The following DACH2 variants were observed in gnomAD, a reference collection of about 807,000 sequenced individuals.
The protein encoded by DACH2 is dachshund family transcription factor 2, also known as dachshund homolog 2.
Under a neutral mutation model 35.8 loss-of-function variants are expected in DACH2, and 17 were observed. That is an observed-to-expected ratio of 0.48 (90% confidence interval 0.33 to 0.71). The LOEUF is 0.71. DACH2 is among the 30% of genes least tolerant of loss of function. The probability of loss-of-function intolerance (pLI) is 0.02; values close to 1 mark genes in which losing one functional copy is unlikely to be tolerated. For missense variants in DACH2, 469 were observed against 472.7 expected (o/e 0.99, Z 0.07); for synonymous variants, 195 against 177.3 (o/e 1.10, Z -0.79).
At chrX:86,750,354 T>C (rs567807274) in intron 7 of DACH2, among the ~76,000 whole-genome samples, 1 of 112,172 alleles carries the variant, frequency 8.9e-6, no homozygotes, top group African/African-American at 3.2e-5. Flanking sequence ...GATGACATTG[T>C]GGTTTTTGTG....
intron 11 of DACH2, among the ~76,000 whole-genome samples, chrX:86,817,545 T>C (rs1424240578): frequency 9.0e-6 from 1 of 111,612 alleles, no homozygotes; most frequent in Non-Finnish European, 1.9e-5. Flanking sequence ...AGGTCAGCTT[T>C]GGAACTGGAG....
At chrX:86,424,325 A>G (rs188184465) in intron 2 of DACH2, among the ~76,000 whole-genome samples, 1 of 109,854 alleles carries the variant, frequency 9.1e-6, no homozygotes, top group South Asian at 3.8e-4. Context: ...AAAATGAAAT[A>G]TTTTTTTCTA....
chrX:86,198,072 C>T (rs1484739033), intron 1 of DACH2, among the ~76,000 whole-genome samples: 2 of 111,935 alleles, frequency 1.8e-5, no homozygotes, highest in Non-Finnish European at 3.8e-5. Context: ...ATCTCTCAGA[C>T]CACAGCACAA....
chrX:86,248,656 TCTA>T (rs1569316038), intron 1 of DACH2, among the ~76,000 whole-genome samples: 1 of 110,815 alleles, frequency 9.0e-6, no homozygotes, highest in African/African-American at 3.3e-5. Flanking sequence ...TTCCTATCAA[TCTA>T]CTAATACCAT....
At chrX:86,405,587 A>G (rs191864850) in intron 2 of DACH2, among the ~76,000 whole-genome samples, 62 of 111,255 alleles carry the variant, frequency 5.6e-4, no homozygotes, top group Admixed American at 5.4e-3. Flanking sequence ...CTGTTTTCTG[A>G]GCTCTCCAAT....
chrX:86,722,988 G>A (rs964762900), intron 6 of DACH2, among the ~76,000 whole-genome samples: 10 of 111,540 alleles, frequency 9.0e-5, no homozygotes, highest in Non-Finnish European at 1.7e-4. Context: ...TTGTATTAAT[G>A]ATTCAATCCC....
At chrX:86,308,446 G>T (rs1240808801) in intron 1 of DACH2, among the ~76,000 whole-genome samples, 2 of 112,226 alleles carry the variant, frequency 1.8e-5, no homozygotes, top group African/African-American at 6.5e-5. Flanking sequence ...AGTATTCCTA[G>T]AAGTGAAATT....
At chrX:86,410,493 A>G (rs1157525036) in intron 2 of DACH2, among the ~76,000 whole-genome samples, 1 of 111,793 alleles carries the variant, frequency 8.9e-6, no homozygotes, top group East Asian at 2.8e-4. Flanking sequence ...GTTGGAACTA[A>G]CTACGTGATT....
At chrX:86,688,718 T>G (rs1220269574) in intron 4 of DACH2, among the ~76,000 whole-genome samples, 1 of 112,016 alleles carries the variant, frequency 8.9e-6, no homozygotes, top group South Asian at 3.7e-4. Context: ...TCAGACATGT[T>G]GAATTGAAGA....
intron 1 of DACH2, among the ~76,000 whole-genome samples, chrX:86,182,017 C>T (rs367814832): frequency 1.8e-5 from 2 of 111,760 alleles, no homozygotes; most frequent in South Asian, 3.7e-4. Context: ...CCTTCACCCA[C>T]TTTTTGATGG....
chrX:86,281,689 TAGGAAGAG>T (rs2034032781), intron 1 of DACH2, among the ~76,000 whole-genome samples: 1 of 111,655 alleles, frequency 9.0e-6, no homozygotes, highest in Non-Finnish European at 1.9e-5. Context: ...GGTATTCAAA[TAGGAAGAG>T]AGGAAGTCAA....
At chrX:86,814,116 G>A (rs926254773) in intron 9 of DACH2, among the ~76,000 whole-genome samples, 3 of 111,497 alleles carry the variant, frequency 2.7e-5, no homozygotes, top group Non-Finnish European at 3.8e-5. Context: ...TACAGAGAAA[G>A]AGCAAGAGAG....
intron 2 of DACH2, among the ~76,000 whole-genome samples, chrX:86,417,628 A>T (rs185757627): frequency 5.4e-5 from 6 of 111,441 alleles, no homozygotes; most frequent in Non-Finnish European, 3.8e-5. Context: ...GTCATGTCCC[A>T]CCAGATTCCT....
At chrX:86,441,645 C>T (rs1284802180) in intron 2 of DACH2, among the ~76,000 whole-genome samples, 1 of 109,189 alleles carries the variant, frequency 9.2e-6, no homozygotes, top group Non-Finnish European at 1.9e-5. Context: ...GATTTTATTT[C>T]CTTTGGGTAT....
intron 6 of DACH2, among the ~76,000 whole-genome samples, chrX:86,715,650 C>T (rs983524541): frequency 3.0e-4 from 34 of 111,636 alleles, no homozygotes; most frequent in Admixed American, 2.1e-3. Flanking sequence ...GTAAGATATA[C>T]ACCTTGACTT....
rs903094189 is a variant in DACH2 at position 86,219,781 on chromosome X, G to A, written c.488+70673G>A. Among the ~76,000 whole-genome samples the A allele has an allele frequency of 6.4e-5, 7 of 110,002 alleles. No homozygotes were observed. The East Asian group carries it at 1.7e-3, about 27-fold the overall frequency. On this transcript the variant is annotated intron_variant, in intron 1 of 11. Transcript: ENST00000373125. ...CACAAAAACTGCACATATTTAATAT[G>A]TATAATTTGATGGATTTGAACACAT...
intron 1 of DACH2, among the ~76,000 whole-genome samples, chrX:86,255,743 A>G (rs2033506331): frequency 8.9e-6 from 1 of 112,008 alleles, no homozygotes; most frequent in South Asian, 3.7e-4. Context: ...TGGGAACAAA[A>G]TAACTTTTTG....
chrX:86,646,944 C>T (rs2040423183), intron 3 of DACH2, among the ~76,000 whole-genome samples: 2 of 109,156 alleles, frequency 1.8e-5, no homozygotes, highest in South Asian at 7.6e-4. Context: ...CACTAATCAT[C>T]AGGGAAATGC....
intron 1 of DACH2, among the ~76,000 whole-genome samples, chrX:86,250,927 G>T (rs2147951347): frequency 9.0e-6 from 1 of 111,204 alleles, no homozygotes; most frequent in African/African-American, 3.3e-5. Flanking sequence ...CACTGCTGTT[G>T]TCTTAATTCT....
Sources: allele counts gnomAD v4.1 joint callset (sites outside exome capture counted in the v4.1 genomes callset), GRCh38; gene constraint gnomAD v4.1.1; transcripts MANE v1.5; gene names NCBI Gene and HGNC (gene_info 2026-07-23, HGNC 2026-07-21).